The following SLITRK3 variants were observed in gnomAD, a reference collection of about 807,000 sequenced individuals.
SLITRK3 encodes the protein SLIT and NTRK like family member 3, also known as SLIT and NTRK-like protein 3.
A neutral mutation model predicts 63.6 loss-of-function variants in SLITRK3; 16 were observed. The observed-to-expected ratio is 0.25, with a 90% confidence interval of 0.17 to 0.38. The LOEUF is 0.38. Among genes scored for constraint, SLITRK3 ranks in the 10% least tolerant of loss-of-function variants. SLITRK3 has a pLI of 1.00. For missense variants in SLITRK3, 1,117 were observed against 1,181.4 expected (o/e 0.95, Z 0.80); for synonymous variants, 547 against 451.6 (o/e 1.21, Z -2.68).
intron 1 of SLITRK3, among the ~76,000 whole-genome samples, chr3:165,192,669 G>A (rs1171063870): frequency 6.6e-6 from 1 of 150,788 alleles, no homozygotes; most frequent in African/African-American, 2.5e-5. Context: ...GGGATAAAGG[G>A]GGTTGGGCGG....
In SLITRK3 at chr3:165,187,745, C is replaced by G. The variant is rs1718006759; in HGVS notation, c.*152G>C. On this transcript the variant is annotated 3_prime_UTR_variant, in exon 2 of 2. Coordinates refer to ENST00000475390, the MANE Select transcript of SLITRK3 (RefSeq NM_001318810.2). ...AGGGGAGAGCATACATCTGTATTCT[C>G]TAGTTATCATGCGGTTTTAGTTTTG... 5.0e-6 allele frequency: 3 copies of G among 605,268 alleles called. No homozygotes were observed. Among genetic ancestry groups the G allele is most frequent in the Non-Finnish European group, 8.6e-6 (3 of 348,996 alleles). 37.5% of individuals were successfully genotyped at this position (605,268 alleles called of 1,614,324 possible).
At chr3:165,192,831 TG>T (rs1718283090) in intron 1 of SLITRK3, among the ~76,000 whole-genome samples, 1 of 152,106 alleles carries the variant, frequency 6.6e-6, no homozygotes, top group African/African-American at 2.4e-5. Context: ...CTTCCAGCTC[TG>T]CTGCCCCTGC....
In SLITRK3 at chr3:165,195,639, G is replaced by A. The variant is rs1339899311; in HGVS notation, c.-81C>T. The A allele has an allele frequency of 6.6e-6, 1 of 152,508 alleles. No individual in the cohort carries two copies. The highest frequency in any genetic ancestry group is 1.9e-4 in the East Asian group (1 of 5,186). 9.4% of individuals were successfully genotyped at this position (152,508 alleles called of 1,614,324 possible). On this transcript the variant is annotated 5_prime_UTR_variant, in exon 1 of 2. Coordinates refer to ENST00000475390, the MANE Select transcript of SLITRK3 (RefSeq NM_001318810.2). ...GCTGCGAGGGGCTACCCAGCAGGAG[G>A]GGCAAACTCTCTGCGAAGCTGAATT...
rs1205491482 is a variant in SLITRK3 at position 165,187,327 on chromosome 3, A to C, written c.*570T>G. On this transcript the variant is annotated 3_prime_UTR_variant, in exon 2 of 2. Coordinates refer to ENST00000475390, the MANE Select transcript of SLITRK3 (RefSeq NM_001318810.2). ...GATGGATATGTGTATGAGAGACAAG[A>C]TAGTGAGTGAGAACATTCGAGCAAG... 5 of 152,816 alleles carry C rather than the reference A, an allele frequency of 3.3e-5. No individual in the cohort carries two copies. The highest frequency in any genetic ancestry group is 7.3e-5 in the Non-Finnish European group (5 of 68,452). The allele number at this position is 152,816 out of a possible 1,614,324, so 9.5% of individuals were successfully genotyped here. A position where few individuals can be genotyped will look rare whatever the true frequency, so the allele number is the denominator to read the frequency against.
chr3:165,191,823 G>A (rs1718238438), intron 1 of SLITRK3, among the ~76,000 whole-genome samples: 1 of 152,206 alleles, frequency 6.6e-6, no homozygotes, highest in Non-Finnish European at 1.5e-5. Context: ...AAAGTCAAGA[G>A]AGAGTGGAAA....
Position 165,190,525 on chromosome 3 carries a change from A to C in SLITRK3, c.306T>G (p.Asn102Lys). Residue 102 changes from asparagine (N) to lysine (K), a missense_variant, in exon 2 of 2, where the codon AAT (asparagine) becomes AAG (lysine). Asn to Lys is a moderately conservative substitution (Grantham distance 94). This residue lies in a region of SLITRK3 where 452 missense variants were observed against 495.3 expected (regional missense o/e 0.91). Coordinates refer to ENST00000475390, the MANE Select transcript of SLITRK3 (RefSeq NM_001318810.2). ...TGTTCCCAAGATTAATAGACACAGC[A>C]TTATTCAAATGAAGAAAACTGTTGG... ...LYTNSFLHLN[N>K]AVSINLGNNA... 1.2e-6 allele frequency: 2 copies of C among 1,613,754 alleles called. No individual in the cohort carries two copies. Among genetic ancestry groups the C allele is most frequent in the South Asian group, 2.2e-5 (2 of 91,070 alleles).
In SLITRK3 at chr3:165,195,900, A is replaced by G. The variant is rs1718399307; in HGVS notation, c.-342T>C. ...CGATGGTTGGTAGGCAGGCAGGCAG[A>G]GTGAGTGTCCCAGGACTAGGTTCCT... On this transcript the variant is annotated 5_prime_UTR_variant, in exon 1 of 2. Coordinates refer to ENST00000475390, the MANE Select transcript of SLITRK3 (RefSeq NM_001318810.2). 1 of 152,592 alleles carries G rather than the reference A, an allele frequency of 6.6e-6. No individual in the cohort carries two copies. 9.5% of individuals were successfully genotyped at this position (152,592 alleles called of 1,614,324 possible).
At chr3:165,192,454 C>T (rs1381809854) in intron 1 of SLITRK3, among the ~76,000 whole-genome samples, 2 of 151,876 alleles carry the variant, frequency 1.3e-5, no homozygotes, top group East Asian at 1.9e-4. Context: ...TTTCAGGTCC[C>T]TATGGTTTAG....
chr3:165,194,044 G>C (rs1035800845), intron 1 of SLITRK3, among the ~76,000 whole-genome samples: 2 of 152,082 alleles, frequency 1.3e-5, no homozygotes, highest in Non-Finnish European at 2.9e-5. Context: ...GGAAACTGGG[G>C]AGAGCCAAGT....
Position 165,190,730 on chromosome 3 carries a change from A to C in SLITRK3, c.101T>G (p.Ile34Arg). The change falls in exon 2 of 2, where the codon ATA (isoleucine) becomes AGA (arginine). Residue 34 changes from isoleucine to arginine, a missense_variant. This residue lies in a region of SLITRK3 where 452 missense variants were observed against 495.3 expected (regional missense o/e 0.91). Coordinates refer to ENST00000475390, the MANE Select transcript of SLITRK3 (RefSeq NM_001318810.2). ...ALGWTTPIPL[I>R]EDSEEIDEPC... ...CTCATCTATTTCCTCTGAGTCCTCTATTAGGGGAATCGGGGTAGTCCATCC... is the reference window on the plus strand; with the variant it reads ...CTCATCTATTTCCTCTGAGTCCTCTCTTAGGGGAATCGGGGTAGTCCATCC... 1 of 1,614,070 alleles carries C rather than the reference A, an allele frequency of 6.2e-7. No individual in the cohort carries two copies. Among genetic ancestry groups the C allele is most frequent in the East Asian group, 2.2e-5 (1 of 44,852 alleles).
At chr3:165,193,312 T>TC (rs1465021386) in intron 1 of SLITRK3, among the ~76,000 whole-genome samples, 8 of 151,064 alleles carry the variant, frequency 5.3e-5, no homozygotes, top group African/African-American at 1.9e-4. Flanking sequence ...TTTCTTTCTT[T>TC]TTTTTTAAAC....
Position 165,188,076 on chromosome 3 carries a change from CAGG to C in SLITRK3, c.2752_2754del (p.Pro918del). 1 of 1,613,694 alleles carries C rather than the reference CAGG, an allele frequency of 6.2e-7. No individual in the cohort carries two copies. On this transcript the variant is annotated inframe_deletion, in exon 2 of 2. Coordinates refer to ENST00000475390, the MANE Select transcript of SLITRK3 (RefSeq NM_001318810.2). ...TGCTGTAAGTCTGGGTATTGCATGC[CAGG>C]AGGGTGCACGTGCAGTTCCTTTAAT... is the stretch of plus-strand genomic sequence containing the variant.
chr3:165,189,786 G>C lies in SLITRK3; in HGVS notation c.1045C>G (p.Gln349Glu). ...TGGTTTGGACCAGGATATAAAGCTT[G>C]GGAGGTGGAGGGTGGCCTTGGTGTT... Reference protein sequence around the residue: ...PRTPRPPSTSQALYPGPNQPP... With the variant: ...PRTPRPPSTSEALYPGPNQPP... Residue 349 changes from glutamine (Q) to glutamate (E), a missense_variant, in exon 2 of 2, where the codon CAA becomes GAA. Physicochemically the swap from Gln to Glu is conservative, Grantham distance 29 (BLOSUM62 2). Transcript: ENST00000475390. This position sits in a 1 kb window ranked among gnomAD's most constrained non-coding sequence, Gnocchi z 4.0. The C allele has an allele frequency of 6.2e-7, 1 of 1,614,164 alleles. No individual in the cohort carries two copies. Among genetic ancestry groups the C allele is most frequent in the Non-Finnish European group, 8.5e-7 (1 of 1,180,024 alleles).
At position 165,188,634 on chromosome 3, in the gene SLITRK3, C is replaced by A. The variant is rs548535068; in HGVS notation, c.2197G>T (p.Ala733Ser). The A allele has an allele frequency of 4.3e-6, 7 of 1,613,880 alleles. No homozygotes were observed. The highest frequency in any genetic ancestry group is 1.3e-5 in the African/African-American group (1 of 74,986). ...TCATACACATGACCCACGGGAGGGG[C>A]CTTCTCTGGAGAGGAAAGAGTTGGT... ...GRPTLSSPEK[A>S]PPVGHVYEYI... The change falls in exon 2 of 2, where the codon GCC becomes TCC. Residue 733 changes from alanine to serine, a missense_variant. Physicochemically the swap from Ala to Ser is moderately conservative, Grantham distance 99. Around this residue, in one of 4 missense-constraint regions of SLITRK3, gnomAD observed 499 missense variants for 463.6 expected, o/e 1.08. Transcript: ENST00000475390.
rs1718021370 is a variant in SLITRK3 at position 165,188,014 on chromosome 3, A to C, written c.2817T>G (p.Ala939=). The C allele has an allele frequency of 6.2e-7, 1 of 1,613,940 alleles. No homozygotes were observed. Among genetic ancestry groups the C allele is most frequent in the African/African-American group, 1.3e-5 (1 of 74,958 alleles). The part of the protein sequence containing the change: ...ARLKETLLFS[A]GKGFTDHQTQ... The stretch of plus-strand genomic sequence containing the variant: ...TTTGGTGGTCTGTGAAGCCCTTTCC[A>C]GCCGAGAAGAGAAGGGTTTCTTTGA... Residue 939 remains alanine (A), a synonymous_variant, in exon 2 of 2, where the codon GCT becomes GCG. Transcript: ENST00000475390.
In SLITRK3 at chr3:165,190,536, G is replaced by A; in HGVS notation, c.295C>T (p.His99Tyr). The change falls in exon 2 of 2, where the codon CAT (histidine) becomes TAT (tyrosine). Residue 99 changes from histidine to tyrosine, a missense_variant. This residue lies in a region of SLITRK3 where 452 missense variants were observed against 495.3 expected (regional missense o/e 0.91). Coordinates refer to ENST00000475390, the MANE Select transcript of SLITRK3 (RefSeq NM_001318810.2). ...MRKLYTNSFL[H>Y]LNNAVSINLG... ...TTAATAGACACAGCATTATTCAAATGAAGAAAACTGTTGGTATATAATTTC... is the reference window on the plus strand; with the variant it reads ...TTAATAGACACAGCATTATTCAAATAAAGAAAACTGTTGGTATATAATTTC... 6.2e-7 allele frequency: 1 copy of A among 1,613,816 alleles called. No homozygotes were observed. Among genetic ancestry groups the A allele is most frequent in the South Asian group, 1.1e-5 (1 of 91,062 alleles).
rs1284533085 is a variant in SLITRK3 at position 165,195,743 on chromosome 3, A to G, written c.-185T>C. 6.5e-6 allele frequency: 1 copy of G among 152,786 alleles called. No homozygotes were observed. The highest frequency in any genetic ancestry group is 1.5e-5 in the Non-Finnish European group (1 of 68,162). 9.5% of individuals were successfully genotyped at this position (152,786 alleles called of 1,614,324 possible). The stretch of plus-strand genomic sequence containing the variant: ...CGAAAGGCTACCGAATCACGCTTGT[A>G]ATCCGTTTAAATGTTTCCACCTTTG... On this transcript the variant is annotated 5_prime_UTR_variant, in exon 1 of 2. Transcript: ENST00000475390.
upstream of SLITRK3, chr3:165,196,926 T>TCTCTCTCTCTCTCTCTCC (rs1560057640): frequency 3.2e-5 from 1 of 31,112 alleles, no homozygotes; most frequent in Non-Finnish European, 8.3e-5. Flanking sequence ...TCTCTCTCTC[T>TCTCTCTCTCTCTCTCTCC]CCTCTCTCTG....
rs754716543 is a variant in SLITRK3, at chr3:165,188,639, T to C, written c.2192A>G (p.Glu731Gly). The change falls in exon 2 of 2, where the codon GAG (glutamate) becomes GGG (glycine). Residue 731 changes from glutamate (E) to glycine (G), a missense_variant. Coordinates refer to ENST00000475390, the MANE Select transcript of SLITRK3 (RefSeq NM_001318810.2). Reference sequence around the variant, plus strand: ...CACATGACCCACGGGAGGGGCCTTCTCTGGAGAGGAAAGAGTTGGTCGACC... The same window carrying C: ...CACATGACCCACGGGAGGGGCCTTCCCTGGAGAGGAAAGAGTTGGTCGACC... ...GGGRPTLSSPEKAPPVGHVYE... is the reference protein window; with the variant it reads ...GGGRPTLSSPGKAPPVGHVYE... 4 of 1,613,852 alleles carry C rather than the reference T, an allele frequency of 2.5e-6. No individual in the cohort carries two copies. Among genetic ancestry groups the C allele is most frequent in the Non-Finnish European group, 3.4e-6 (4 of 1,179,890 alleles).
Sources: allele counts gnomAD v4.1 joint callset (sites outside exome capture counted in the v4.1 genomes callset), GRCh38; gene constraint gnomAD v4.1.1; regional missense constraint gnomAD v4.1.1; non-coding constraint Gnocchi (gnomAD v3.1); transcripts MANE v1.5; gene names NCBI Gene and HGNC (gene_info 2026-07-23, HGNC 2026-07-21).